The following PTPRT variants were observed in gnomAD, a reference collection of about 807,000 sequenced individuals.
PTPRT encodes receptor-type tyrosine-protein phosphatase T.
PTPRT carries 56 observed loss-of-function variants against 176.8 expected under a neutral mutation model. That is an observed-to-expected ratio of 0.32 (90% CI 0.26 to 0.40). The LOEUF is 0.40. Among genes scored for constraint, PTPRT ranks in the 10% least tolerant of loss-of-function variants. The probability of loss-of-function intolerance (pLI) is 1.00; values close to 1 mark genes in which losing one functional copy is unlikely to be tolerated. For missense variants in PTPRT, 1,540 were observed against 1,908.2 expected (o/e 0.81, Z 3.60); for synonymous variants, 783 against 739.0 (o/e 1.06, Z -0.96).
chr20:42,470,001 C>T (rs971414372), intron 8 of PTPRT, among the ~76,000 whole-genome samples: 2 of 152,004 alleles, frequency 1.3e-5, no homozygotes, highest in African/African-American at 4.8e-5. Flanking sequence ...CCTACTGAAT[C>T]CCAGGAACAC....
At chr20:42,289,167 A>G (rs935686706) in intron 12 of PTPRT, among the ~76,000 whole-genome samples, 2 of 152,130 alleles carry the variant, frequency 1.3e-5, no homozygotes, top group East Asian at 3.8e-4. Flanking sequence ...CAAACTATAA[A>G]AATCCTAGAA....
chr20:42,102,985 T>C (rs780781396), intron 25 of PTPRT, among the ~76,000 whole-genome samples: 6 of 152,188 alleles, frequency 3.9e-5, no homozygotes, highest in Non-Finnish European at 2.9e-5. Flanking sequence ...TTCAGATCAA[T>C]AATGGCTATT....
At chr20:42,988,956 G>A (rs1983746438) in intron 1 of PTPRT, among the ~76,000 whole-genome samples, 1 of 152,184 alleles carries the variant, frequency 6.6e-6, no homozygotes, top group Non-Finnish European at 1.5e-5. Flanking sequence ...CCTAATGCTT[G>A]CATCATCTTC....
chr20:42,783,988 C>T (rs150525600), intron 3 of PTPRT, among the ~76,000 whole-genome samples: 6 of 152,300 alleles, frequency 3.9e-5, no homozygotes, highest in South Asian at 2.1e-4. Flanking sequence ...AGAATTCCAA[C>T]GTCTCTGTAG....
intron 8 of PTPRT, among the ~76,000 whole-genome samples, chr20:42,449,379 C>T (rs1378438027): frequency 1.3e-5 from 2 of 152,184 alleles, no homozygotes; most frequent in African/African-American, 4.8e-5. Flanking sequence ...ACTATTCTTA[C>T]AACAGTCTGG....
chr20:42,337,189 A>T (rs145497138), intron 11 of PTPRT, among the ~76,000 whole-genome samples: 1 of 152,284 alleles, frequency 6.6e-6, no homozygotes, highest in African/African-American at 2.4e-5. Flanking sequence ...TAGACTCACC[A>T]TTAGCAAAGT....
chr20:42,065,240 T>A, the PTPRT span, among the ~76,000 whole-genome samples: 1 of 152,202 alleles, frequency 6.6e-6, no homozygotes, highest in African/African-American at 2.4e-5. Context: ...TGCTTTGGGA[T>A]AATTGGTCAC....
intron 13 of PTPRT, among the ~76,000 whole-genome samples, chr20:42,257,650 C>CCCCCT (rs2056670130): frequency 1.1e-5 from 1 of 87,984 alleles, no homozygotes; most frequent in Non-Finnish European, 2.3e-5. Flanking sequence ...CCCACCCCCC[C>CCCCCT]CCCCCCGCCC....
At chr20:42,372,495 G>T (rs547831525) in intron 9 of PTPRT, among the ~76,000 whole-genome samples, 2 of 152,084 alleles carry the variant, frequency 1.3e-5, no homozygotes, top group East Asian at 3.9e-4. Context: ...ATGTTGGCCA[G>T]GCTGGTCTTG....
intron 1 of PTPRT, among the ~76,000 whole-genome samples, chr20:42,953,115 A>C (rs572567391): frequency 1.5e-4 from 23 of 152,344 alleles, no homozygotes; most frequent in Admixed American, 1.5e-3. Flanking sequence ...GGACCAGGCC[A>C]ACCCAAAGGA....
chr20:43,069,572 TAAGCACC>T (rs1373019721), intron 1 of PTPRT, among the ~76,000 whole-genome samples: 1 of 152,122 alleles, frequency 6.6e-6, no homozygotes, highest in African/African-American at 2.4e-5. Flanking sequence ...ACCAAAGAGG[TAAGCACC>T]ATGGAGGAGA....
intron 2 of PTPRT, among the ~76,000 whole-genome samples, chr20:42,875,233 A>T (rs2078911131): frequency 6.6e-6 from 1 of 152,212 alleles, no homozygotes; most frequent in Admixed American, 6.5e-5. Context: ...AAAGGACATC[A>T]TGTTGCTTTT....
At chr20:42,606,121 G>A (rs1393666433) in intron 7 of PTPRT, among the ~76,000 whole-genome samples, 6 of 152,298 alleles carry the variant, frequency 3.9e-5, no homozygotes, top group East Asian at 3.9e-4. Flanking sequence ...TGTGAGCCCC[G>A]TTGGCTCTTC....
At chr20:42,281,049 G>T (rs2057130927) in intron 13 of PTPRT, among the ~76,000 whole-genome samples, 2 of 152,090 alleles carry the variant, frequency 1.3e-5, no homozygotes, top group Non-Finnish European at 2.9e-5. Flanking sequence ...AGCTTTCTCT[G>T]TGAGTTTCCT....
chr20:43,092,930 A>G (rs1266398196), intron 1 of PTPRT, among the ~76,000 whole-genome samples: 1 of 152,236 alleles, frequency 6.6e-6, no homozygotes, highest in Non-Finnish European at 1.5e-5. Context: ...ATGCTTTATA[A>G]TGTTGTTTGG....
intron 5 of PTPRT, among the ~76,000 whole-genome samples, chr20:42,767,356 G>A (rs1245242065): frequency 6.6e-6 from 1 of 152,052 alleles, no homozygotes; most frequent in African/African-American, 2.4e-5. Flanking sequence ...AGAAAAGCAG[G>A]GGAAGAAGAG....
chr20:42,303,260 A>G (rs748162586), intron 12 of PTPRT, among the ~76,000 whole-genome samples: 11 of 152,232 alleles, frequency 7.2e-5, no homozygotes, highest in Non-Finnish European at 1.3e-4. Context: ...GACAGATGTA[A>G]TCAAAGGCCA....
chr20:42,820,450 C>T (rs534665783), intron 2 of PTPRT, among the ~76,000 whole-genome samples: 2 of 152,164 alleles, frequency 1.3e-5, no homozygotes, highest in East Asian at 3.9e-4. Context: ...GCACTAAATG[C>T]CCACATCAGA....
intron 11 of PTPRT, among the ~76,000 whole-genome samples, chr20:42,328,364 A>T (rs1340047749): frequency 6.6e-6 from 1 of 152,176 alleles, no homozygotes; most frequent in Non-Finnish European, 1.5e-5. Flanking sequence ...GATAATTCCC[A>T]TGTCATAGAA....
Sources: allele counts gnomAD v4.1 joint callset (sites outside exome capture counted in the v4.1 genomes callset), GRCh38; gene constraint gnomAD v4.1.1; transcripts MANE v1.5; gene names NCBI Gene and HGNC (gene_info 2026-07-23, HGNC 2026-07-21).